EYA1: variants seen among roughly 807,000 people sequenced by gnomAD.
EYA1 encodes the protein EYA transcriptional coactivator and phosphatase 1, also known as protein phosphatase EYA1.
A neutral mutation model predicts 82.0 loss-of-function variants in EYA1; 16 were observed. The ratio of observed to expected loss-of-function variants is 0.20; its 90% CI spans 0.13 to 0.30. The LOEUF is 0.30. EYA1 is among the 10% of genes least tolerant of loss of function. The pLI is 1.00. For missense variants in EYA1, 633 were observed against 730.7 expected (o/e 0.87, Z 1.54); for synonymous variants, 261 against 264.4 (o/e 0.99, Z 0.12).
chr8:71,425,122 A>AAAAAAAAAAAT (rs1831355493), intron 2 of EYA1, among the ~76,000 whole-genome samples: 1 of 149,532 alleles, frequency 6.7e-6, no homozygotes, highest in African/African-American at 2.5e-5. Context: ...AAAAAAAAAA[A>AAAAAAAAAAAT]AAAAAAATCA....
intron 2 of EYA1, among the ~76,000 whole-genome samples, chr8:71,452,019 G>C (rs1002759745): frequency 6.6e-6 from 1 of 152,194 alleles, no homozygotes; most frequent in African/African-American, 2.4e-5. Context: ...CCCTTTCCTA[G>C]CCAAGGGAAG....
intron 2 of EYA1, among the ~76,000 whole-genome samples, chr8:71,520,477 G>T (rs1813314883): frequency 6.6e-6 from 1 of 152,180 alleles, no homozygotes; most frequent in Non-Finnish European, 1.5e-5. Context: ...ACTCTATCAA[G>T]ATTTTTAAGA....
intron 2 of EYA1, among the ~76,000 whole-genome samples, chr8:71,454,882 A>T (rs931191970): frequency 6.6e-6 from 1 of 152,256 alleles, no homozygotes; most frequent in African/African-American, 2.4e-5. Flanking sequence ...GAGCAAACAC[A>T]TTCAAAAGCT....
intron 2 of EYA1, among the ~76,000 whole-genome samples, chr8:71,441,948 C>T (rs987917578): frequency 2.6e-5 from 4 of 152,136 alleles, no homozygotes; most frequent in Non-Finnish European, 4.4e-5. Flanking sequence ...TGGGAGGATA[C>T]AGTGAGAAGA....
intron 2 of EYA1, among the ~76,000 whole-genome samples, chr8:71,454,774 G>A (rs919959739): frequency 4.6e-5 from 7 of 152,206 alleles, no homozygotes; most frequent in African/African-American, 1.7e-4. Context: ...AAAGCAGTGT[G>A]TAGAGGGAAA....
intron 1 of EYA1, chr8:71,535,874 C>T (rs1814672492): frequency 3.0e-6 from 2 of 658,686 alleles, no homozygotes; most frequent in Non-Finnish European, 4.7e-6. Flanking sequence ...CATCACACAG[C>T]TGTATTAATT....
chr8:71,236,660 C>T (rs1249179098), intron 12 of EYA1, among the ~76,000 whole-genome samples: 2 of 152,084 alleles, frequency 1.3e-5, no homozygotes, highest in South Asian at 2.1e-4. Context: ...TGACCTTAGA[C>T]AAGTTTTCTT....
chr8:71,400,994 G>A (rs897977162), intron 2 of EYA1, among the ~76,000 whole-genome samples: 1 of 152,182 alleles, frequency 6.6e-6, no homozygotes, highest in Admixed American at 6.5e-5. Flanking sequence ...CAGGGACATG[G>A]ATGGAGTTGG....
chr8:71,428,067 G>T (rs1805363621), intron 2 of EYA1, among the ~76,000 whole-genome samples: 1 of 151,898 alleles, frequency 6.6e-6, no homozygotes, highest in South Asian at 2.1e-4. Flanking sequence ...AGTCTGCATT[G>T]GCTCCTGACC....
intron 2 of EYA1, among the ~76,000 whole-genome samples, chr8:71,488,944 G>A (rs1340944649): frequency 6.6e-6 from 1 of 152,154 alleles, no homozygotes; most frequent in Admixed American, 6.5e-5. Context: ...CCTGTTTTAT[G>A]TTGAGGGCTT....
chr8:71,492,569 A>G (rs1811094316), intron 2 of EYA1, among the ~76,000 whole-genome samples: 1 of 150,176 alleles, frequency 6.7e-6, no homozygotes, highest in South Asian at 2.1e-4. Context: ...GGTTCACGCC[A>G]TTCTCCTGCC....
At chr8:71,391,329 C>T (rs916884389) in intron 2 of EYA1, among the ~76,000 whole-genome samples, 3 of 152,150 alleles carry the variant, frequency 2.0e-5, no homozygotes, top group African/African-American at 4.8e-5. Context: ...CTGTTGAGAA[C>T]TCCCATCTTC....
At chr8:71,443,862 C>T (rs185688405) in intron 2 of EYA1, among the ~76,000 whole-genome samples, 7 of 152,312 alleles carry the variant, frequency 4.6e-5, no homozygotes, top group African/African-American at 1.4e-4. Context: ...TTTTAAATAA[C>T]ATTAGGAAAG....
chr8:71,349,926 CAT>C (rs1255403900), intron 3 of EYA1, among the ~76,000 whole-genome samples: 1 of 152,142 alleles, frequency 6.6e-6, no homozygotes, highest in East Asian at 1.9e-4. Context: ...TAGCAACAGA[CAT>C]GTGAAAATTA....
intron 2 of EYA1, among the ~76,000 whole-genome samples, chr8:71,488,329 CAATGATATAAAGGATA>C (rs1286169517): frequency 3.3e-5 from 5 of 151,422 alleles, no homozygotes; most frequent in South Asian, 2.1e-4. Context: ...TAATATATAT[CAATGATATAAAGGATA>C]AATGATATAA....
rs1045340987 is a variant in EYA1, at chr8:71,231,863, A to T, written c.1140+12740T>A. Among the ~76,000 whole-genome samples the T allele has an allele frequency of 2.6e-5, 4 of 152,190 alleles. No individual in the cohort carries two copies. The East Asian group carries it at 7.7e-4, about 29-fold the overall frequency. On this transcript the variant is annotated intron_variant, in intron 12 of 17. Coordinates refer to ENST00000340726, the MANE Select transcript of EYA1 (RefSeq NM_000503.6). ...AAATAGATTTTAAGTTGCCTGGGCA[A>T]CTATGGCTTGCAGGTTTGTAAGACA...
chr8:71,421,015 G>C (rs150015966), intron 2 of EYA1, among the ~76,000 whole-genome samples: 19 of 152,198 alleles, frequency 1.2e-4, no homozygotes, highest in African/African-American at 4.1e-4. Context: ...TCCAAATTTT[G>C]CATTTAAAAC....
intron 1 of EYA1, among the ~76,000 whole-genome samples, chr8:71,544,426 C>G (rs1460495611): frequency 6.6e-6 from 1 of 152,150 alleles, no homozygotes; most frequent in African/African-American, 2.4e-5. Flanking sequence ...AAAGACTAAC[C>G]TTCCAGCTCT....
chr8:71,423,001 C>A (rs1286148078), intron 2 of EYA1, among the ~76,000 whole-genome samples: 4 of 152,094 alleles, frequency 2.6e-5, no homozygotes, highest in Non-Finnish European at 5.9e-5. Flanking sequence ...ACTTGGAAAC[C>A]TGCAGAAACT....
Sources: gnomAD v4.1 joint callset for allele counts (sites outside exome capture counted in the v4.1 genomes callset) on GRCh38, gnomAD v4.1.1 for gene constraint, MANE v1.5 for transcripts, NCBI Gene and HGNC (gene_info 2026-07-23, HGNC 2026-07-21) for gene names.